The following CCDC88A variants were observed in gnomAD, a reference collection of about 807,000 sequenced individuals.
CCDC88A encodes the protein girdin.
CCDC88A carries 54 observed loss-of-function variants against 234.3 expected under a neutral mutation model. The ratio of observed to expected loss-of-function variants is 0.23; its 90% CI spans 0.19 to 0.29. The LOEUF is 0.29. Among genes scored for constraint, CCDC88A ranks in the 10% least tolerant of loss-of-function variants. The pLI is 1.00. For missense variants in CCDC88A, 1,832 were observed against 2,123.4 expected, an observed-to-expected ratio of 0.86 and a Z score of 2.70; for synonymous variants, 753 against 737.8, an observed-to-expected ratio of 1.02 and a Z score of -0.33.
intron 2 of CCDC88A, among the ~76,000 whole-genome samples, chr2:55,410,226 G>A (rs1019166738): frequency 6.6e-5 from 10 of 152,182 alleles, no homozygotes; most frequent in African/African-American, 2.4e-4. Flanking sequence ...GAGTACAAGA[G>A]CTTAGACCTT....
At chr2:55,416,448 ATATATAT>A (rs1558860193) in intron 2 of CCDC88A, among the ~76,000 whole-genome samples, 3 of 65,012 alleles carry the variant, frequency 4.6e-5, no homozygotes, top group Admixed American at 1.4e-4. Context: ...AAATAAATAT[ATATATAT>A]ATATATATAT....
intron 3 of CCDC88A, among the ~76,000 whole-genome samples, chr2:55,378,990 C>A (rs1674152517): frequency 1.3e-5 from 2 of 152,188 alleles, no homozygotes; most frequent in African/African-American, 4.8e-5. Context: ...GAGTGATCCA[C>A]TCACCTTGGT....
chr2:55,411,715 G>A (rs1166263066), intron 2 of CCDC88A, among the ~76,000 whole-genome samples: 1 of 144,026 alleles, frequency 6.9e-6, no homozygotes, highest in African/African-American at 2.6e-5. Flanking sequence ...GGGAGAAGGA[G>A]GTTGCAGTGA....
intron 3 of CCDC88A, among the ~76,000 whole-genome samples, chr2:55,383,329 A>C (rs557624354): frequency 3.3e-5 from 5 of 152,204 alleles, no homozygotes; most frequent in African/African-American, 1.2e-4. Context: ...ATCAAAATGT[A>C]CTAAAATGGC....
intron 2 of CCDC88A, among the ~76,000 whole-genome samples, chr2:55,413,799 A>G (rs866892103): frequency 1.8e-4 from 28 of 152,090 alleles, no homozygotes; most frequent in African/African-American, 6.3e-4. Context: ...AAAAAATACA[A>G]AAATTAGTCA....
At chr2:55,316,362 A>G (rs1040382182) in intron 21 of CCDC88A, among the ~76,000 whole-genome samples, 4 of 152,138 alleles carry the variant, frequency 2.6e-5, no homozygotes, top group Non-Finnish European at 4.4e-5. Context: ...ACACTGGGAA[A>G]AGAATTTTTT....
chr2:55,311,750 C>T (rs1391290517), intron 23 of CCDC88A, among the ~76,000 whole-genome samples: 2 of 152,208 alleles, frequency 1.3e-5, no homozygotes, highest in East Asian at 1.9e-4. Flanking sequence ...CTGGGCTGCA[C>T]AGGCCCAAAT....
rs756430923 is a variant in CCDC88A at position 55,295,692 on chromosome 2, G to A, written c.5456C>T (p.Thr1819Ile). Residue 1819 changes from threonine (T) to isoleucine (I), a missense_variant, in exon 31 of 33, where the codon ACA (threonine) becomes ATA (isoleucine). By Grantham distance (89) the Thr-to-Ile change is moderately conservative. Around this residue, in one of 6 missense-constraint regions of CCDC88A, gnomAD observed 422 missense variants for 416.5 expected, o/e 1.01. Coordinates refer to ENST00000436346, the MANE Select transcript of CCDC88A (RefSeq NM_001365480.1). ...CTTGGTCAAAAAATCATGGATGCTT[G>A]TCCTTCGTGTAGTTCCTTCGGCAGT... is the stretch of plus-strand genomic sequence containing the variant. ...ISTAEGTTRR[T>I]SIHDFLTKDS... 6 of 1,614,074 alleles carry A rather than the reference G, an allele frequency of 3.7e-6. No homozygotes were observed. The African/African-American group carries it at 8.0e-5, about 22-fold the overall frequency.
Position 55,344,453 on chromosome 2 carries a change from T to C in CCDC88A, c.1103A>G (p.Glu368Gly). ...ETKTMLEDQL[E>G]GTRARSDKLH... ...TTTATCAGAACGAGCACGAGTTCCCTCTAGTTGGTCTTCCAACATGGTTTT... is the reference window on the plus strand; with the variant it reads ...TTTATCAGAACGAGCACGAGTTCCCCCTAGTTGGTCTTCCAACATGGTTTT... Residue 368 changes from glutamate (E) to glycine (G), a missense_variant, in exon 11 of 33, where the codon GAG becomes GGG. Coordinates refer to ENST00000436346, the MANE Select transcript of CCDC88A (RefSeq NM_001365480.1). 6.3e-7 allele frequency: 1 copy of C among 1,586,176 alleles called. No homozygotes were observed.
intron 3 of CCDC88A, among the ~76,000 whole-genome samples, chr2:55,377,124 GC>G (rs1301576903): frequency 6.6e-6 from 1 of 151,082 alleles, no homozygotes; most frequent in Non-Finnish European, 1.5e-5. Flanking sequence ...GAGCCACCGT[GC>G]CCGGACACTT....
chr2:55,393,060 G>A (rs765640380), intron 2 of CCDC88A, among the ~76,000 whole-genome samples: 7 of 151,760 alleles, frequency 4.6e-5, no homozygotes, highest in African/African-American at 7.3e-5. Flanking sequence ...GAAAAACCTT[G>A]TTGGGATTTA....
chr2:55,289,775 A>AAGAGAG lies in CCDC88A; in HGVS notation c.*1419_*1424dup, dbSNP rs55678906. 7.9e-4 allele frequency: 117 copies of AAGAGAG among 148,962 alleles called. No homozygotes were observed. Among genetic ancestry groups the AAGAGAG allele is most frequent in the African/African-American group, 2.8e-3 (113 of 40,628 alleles). The allele number at this position is 148,962 out of a possible 1,614,324, so 9.2% of individuals were successfully genotyped here. On this transcript the variant is annotated 3_prime_UTR_variant, in exon 33 of 33. Coordinates refer to ENST00000436346, the MANE Select transcript of CCDC88A (RefSeq NM_001365480.1). ...AGAGAGAGAGAAAGAGGGAGAGAGAAAGAGAGAGAGAGAGAGAGAGAGAGA... is the reference window on the plus strand; with the variant it reads ...AGAGAGAGAGAAAGAGGGAGAGAGAAAGAGAGAGAGAGAGAGAGAGAGAGAGAGAGA...
At chr2:55,297,373 T>TAA (rs1217070018) in intron 29 of CCDC88A, among the ~76,000 whole-genome samples, 12 of 104,640 alleles carry the variant, frequency 1.1e-4, no homozygotes, top group African/African-American at 4.5e-4. Context: ...ATAATATATA[T>TAA]TATATATAAA....
Position 55,328,328 on chromosome 2 carries a change from T to A in CCDC88A, c.2963A>T (p.Asn988Ile). 1 of 1,600,792 alleles carries A rather than the reference T, an allele frequency of 6.2e-7. No homozygotes were observed. The highest frequency in any genetic ancestry group is 8.5e-7 in the Non-Finnish European group (1 of 1,175,176). The change falls in exon 17 of 33, where the codon AAT becomes ATT. Residue 988 changes from asparagine to isoleucine, a missense_variant. Physicochemically the swap from Asn to Ile is moderately radical, Grantham distance 149. Transcript: ENST00000436346. This position sits in a 1 kb window ranked among gnomAD's most constrained non-coding sequence, Gnocchi z 4.3. Reference protein sequence around the residue: ...ALEARLEESTNYNQQLRQELK... With the variant: ...ALEARLEESTIYNQQLRQELK... Reference sequence around the variant, plus strand: ...TTCTTGGCGCAATTGCTGGTTATAATTCGTGGATTCTTCTAATCGAGCTTC... The same window carrying A: ...TTCTTGGCGCAATTGCTGGTTATAAATCGTGGATTCTTCTAATCGAGCTTC...
At chr2:55,327,639 T>C (rs920220841) in intron 17 of CCDC88A, among the ~76,000 whole-genome samples, 6 of 152,204 alleles carry the variant, frequency 3.9e-5, no homozygotes, top group Admixed American at 6.5e-5. Flanking sequence ...TTAGTTAACC[T>C]TGAGACCACT....
intron 13 of CCDC88A, among the ~76,000 whole-genome samples, chr2:55,338,588 T>C (rs1668080347): frequency 6.6e-6 from 1 of 152,214 alleles, no homozygotes; most frequent in Non-Finnish European, 1.5e-5. Context: ...GGTCTCTAAA[T>C]ATCATTTCCC....
At chr2:55,353,649 C>CAAAAAAAAAAAAAAAAAAA (rs34022778) in intron 8 of CCDC88A, among the ~76,000 whole-genome samples, 1 of 77,080 alleles carries the variant, frequency 1.3e-5, no homozygotes, top group Non-Finnish European at 2.7e-5. Context: ...GAAACCAAAC[C>CAAAAAAAAAAAAAAAAAAA]AAAAAAAAAA....
At chr2:55,355,891 A>G in intron 7 of CCDC88A, 140 bp from the exon 8 acceptor site, 1 of 603,560 alleles carries the variant, frequency 1.7e-6, no homozygotes, top group Non-Finnish European at 2.8e-6. Context: ...TATCATATTT[A>G]GTTGTCATTC....
chr2:55,315,053 T>C (rs192471429), intron 22 of CCDC88A: 4 of 152,360 alleles, frequency 2.6e-5, no homozygotes, highest in African/African-American at 9.6e-5. Flanking sequence ...ACATGTGGAA[T>C]CTTATGAAGA....
Sources: allele counts gnomAD v4.1 joint callset (sites outside exome capture counted in the v4.1 genomes callset), GRCh38; gene constraint gnomAD v4.1.1; regional missense constraint gnomAD v4.1.1; non-coding constraint Gnocchi (gnomAD v3.1); transcripts MANE v1.5; gene names NCBI Gene and HGNC (gene_info 2026-07-23, HGNC 2026-07-21).